Variants in COL22A1 observed in about 807,000 individuals in gnomAD.
COL22A1 encodes collagen type XXII alpha 1 chain.
COL22A1 carries 221 observed loss-of-function variants against 248.9 expected under a neutral mutation model. The observed-to-expected ratio is 0.89, with a 90% CI of 0.80 to 0.99. The LOEUF is 0.99. COL22A1 is among the 50% of genes least tolerant of loss of function. COL22A1 has a pLI of 0.00. For synonymous variants in COL22A1, 891 were observed against 793.4 expected (o/e 1.12, Z -2.07); for missense variants, 2,240 against 2,179.0 (o/e 1.03, Z -0.56).
chr8:138,599,127 G>A (rs996077867), intron 60 of COL22A1, among the ~76,000 whole-genome samples: 1 of 152,182 alleles, frequency 6.6e-6, no homozygotes, highest in Non-Finnish European at 1.5e-5. Flanking sequence ...CAGATCATGA[G>A]GTCAGGAGAT....
At chr8:138,591,561 C>A (rs371889053) in intron 63 of COL22A1, 60 bp from the exon 64 acceptor site, 79 of 1,358,224 alleles carry the variant, frequency 5.8e-5, no homozygotes, top group Non-Finnish European at 7.7e-5. Flanking sequence ...AGAAACTGGG[C>A]GTCCCACCTT....
intron 5 of COL22A1, among the ~76,000 whole-genome samples, chr8:138,832,283 T>G (rs1439708053): frequency 6.6e-6 from 1 of 152,176 alleles, no homozygotes; most frequent in Non-Finnish European, 1.5e-5. Flanking sequence ...TTTTTTTACT[T>G]TCTTAATAAA....
Position 138,649,770 on chromosome 8 carries a change from G to A in COL22A1, c.3342C>T (p.Cys1114=), listed in dbSNP as rs1385660197. The change falls in exon 46 of 65, where the codon TGC becomes TGT. Residue 1114 remains cysteine (C), a synonymous_variant. Coordinates refer to ENST00000303045, the MANE Select transcript of COL22A1 (RefSeq NM_152888.3). Reference sequence around the variant, plus strand: ...CTGGGGGGCCAGGAGGGCAGTCATTGCACACATCCTGAGAGTGGGGAGAGA... The same window carrying A: ...CTGGGGGGCCAGGAGGGCAGTCATTACACACATCCTGAGAGTGGGGAGAGA... ...GDINLLAKDV[C]NDCPPGPPGL... is the part of the protein sequence containing the mutation. 1.3e-6 allele frequency: 2 copies of A among 1,589,160 alleles called. No homozygotes were observed. The highest frequency in any genetic ancestry group is 4.5e-5 in the East Asian group (2 of 44,270).
At chr8:138,884,716 T>A (rs756245709) in intron 1 of COL22A1, among the ~76,000 whole-genome samples, 6 of 152,126 alleles carry the variant, frequency 3.9e-5, no homozygotes, top group Non-Finnish European at 7.4e-5. Flanking sequence ...GTGCCACCAC[T>A]AGCACCCTGG....
intron 34 of COL22A1, 102 bp downstream of exon 34, chr8:138,694,406 A>C (rs1006220043): frequency 2.4e-4 from 298 of 1,251,608 alleles, no homozygotes; most frequent in Admixed American, 2.9e-4. Flanking sequence ...GTCTACTCCC[A>C]AAATGCCAGG....
chr8:138,771,701 T>C (rs1288604482), intron 16 of COL22A1, among the ~76,000 whole-genome samples: 1 of 152,206 alleles, frequency 6.6e-6, no homozygotes, highest in African/African-American at 2.4e-5. Context: ...TGTTTGTGAA[T>C]GTGTTAGTTA....
chr8:138,911,618 G>A (rs896133618), intron 1 of COL22A1, among the ~76,000 whole-genome samples: 1 of 152,166 alleles, frequency 6.6e-6, no homozygotes, highest in Non-Finnish European at 1.5e-5. Flanking sequence ...CCAGCCAAAA[G>A]AGAAACCAGA....
intron 23 of COL22A1, among the ~76,000 whole-genome samples, chr8:138,731,761 A>C (rs895792473): frequency 6.6e-6 from 1 of 152,132 alleles, no homozygotes; most frequent in East Asian, 1.9e-4. Context: ...TTTTCCAGAT[A>C]AGAGAACACT....
At chr8:138,839,451 T>G (rs948486500) in intron 4 of COL22A1, among the ~76,000 whole-genome samples, 2 of 152,180 alleles carry the variant, frequency 1.3e-5, no homozygotes, top group African/African-American at 4.8e-5. Context: ...ATCTGGTTTC[T>G]ATTTTCCAAG....
intron 30 of COL22A1, among the ~76,000 whole-genome samples, chr8:138,703,982 G>A (rs114314894): frequency 0.015 from 2,291 of 152,284 alleles, 52 homozygotes; most frequent in African/African-American, 0.052. Context: ...AATATATCCC[G>A]CACCTGGCTC....
intron 1 of COL22A1, among the ~76,000 whole-genome samples, chr8:138,892,276 T>C (rs1375729844): frequency 2.0e-5 from 3 of 152,242 alleles, no homozygotes; most frequent in Admixed American, 1.3e-4. Context: ...GAAGCCCTGG[T>C]ATGGAATCCT....
chr8:138,679,506 A>T, intron 40 of COL22A1, 111 bp downstream of exon 40: 1 of 903,980 alleles, frequency 1.1e-6, no homozygotes. Flanking sequence ...TAAGCTTCCA[A>T]AGCCTACTTA....
chr8:138,588,955 C>A lies in COL22A1; in HGVS notation c.*298G>T. ...AATGAAGAAACAATCTCCTGCCCCA[C>A]GAATCAAGTTTTCCCAACTTTAAAG... On this transcript the variant is annotated 3_prime_UTR_variant, in exon 65 of 65. Transcript: ENST00000303045. 4.2e-6 allele frequency: 1 copy of A among 239,196 alleles called. No individual in the cohort carries two copies. The highest frequency in any genetic ancestry group is 7.9e-6 in the Non-Finnish European group (1 of 126,450). The allele number at this position is 239,196 out of a possible 1,614,324, so 14.8% of individuals were successfully genotyped here.
Position 138,776,093 on chromosome 8 carries a change from G to T in COL22A1, c.1759-83C>A, listed in dbSNP as rs1029464707. On this transcript the variant is annotated intron_variant, in intron 15 of 64. Transcript: ENST00000303045. ...CCGTGGGGGTGTCCATGGAGAAACT[G>T]CCTGGCAGCTTCCAGCCCAGGGTGG... 58 of 1,389,100 alleles carry T rather than the reference G, an allele frequency of 4.2e-5. No individual in the cohort carries two copies. In the African/African-American group the frequency reaches 4.5e-4, roughly 11 times the overall value. The allele number at this position is 1,389,100 out of a possible 1,614,324, so 86.0% of individuals were successfully genotyped here.
At chr8:138,807,721 A>T in intron 10 of COL22A1, 47 bp downstream of exon 10, 1 of 1,573,492 alleles carries the variant, frequency 6.4e-7, no homozygotes, top group Non-Finnish European at 8.7e-7. Context: ...AGCAAAGGAG[A>T]GGACAAGTGA....
At chr8:138,621,610 G>T (rs1279230731) in intron 52 of COL22A1, among the ~76,000 whole-genome samples, 1 of 152,200 alleles carries the variant, frequency 6.6e-6, no homozygotes, top group Non-Finnish European at 1.5e-5. Flanking sequence ...GAACTCCGGG[G>T]TCAGCCTGCA....
intron 1 of COL22A1, among the ~76,000 whole-genome samples, chr8:138,907,586 C>T (rs1815121759): frequency 6.6e-6 from 1 of 152,254 alleles, no homozygotes; most frequent in Non-Finnish European, 1.5e-5. Context: ...TTTCATTAAT[C>T]TGCTCACTTA....
In COL22A1 at chr8:138,833,057, G is replaced by C; in HGVS notation, c.827C>G (p.Pro276Arg). The C allele has an allele frequency of 6.2e-7, 1 of 1,612,212 alleles. No individual in the cohort carries two copies. Among genetic ancestry groups the C allele is most frequent in the Non-Finnish European group, 8.5e-7 (1 of 1,178,280 alleles). The change falls in exon 5 of 65, where the codon CCT becomes CGT. Residue 276 changes from proline to arginine, a missense_variant. Transcript: ENST00000303045. Reference sequence around the variant, plus strand: ...CACTCACTCAGTACTTTGCACCACAGGGAAGGATCCCATCCGTACATAGGA... The same window carrying C: ...CACTCACTCAGTACTTTGCACCACACGGAAGGATCCCATCCGTACATAGGA... ...QSSYVRMGSF[P>R]VVQSTEDVFP...
At chr8:138,742,388 TTGA>T (rs1246413641) in intron 22 of COL22A1, among the ~76,000 whole-genome samples, 55 of 143,198 alleles carry the variant, frequency 3.8e-4, no homozygotes, top group Non-Finnish European at 6.8e-4. Flanking sequence ...GATGGTAGAG[TTGA>T]TGATGATGGT....
Sources: allele counts gnomAD v4.1 joint callset (sites outside exome capture counted in the v4.1 genomes callset), GRCh38; gene constraint gnomAD v4.1.1; transcripts MANE v1.5; gene names NCBI Gene and HGNC (gene_info 2026-07-23, HGNC 2026-07-21).